RPS6KC1: variants seen among roughly 807,000 people sequenced by gnomAD.
RPS6KC1 encodes the protein inactive ribosomal protein S6 kinase delta-1.
A neutral mutation model predicts 103.8 loss-of-function variants in RPS6KC1; 54 were observed. That is an observed-to-expected ratio of 0.52 (90% confidence interval 0.42 to 0.65). The LOEUF (loss-of-function observed/expected upper bound fraction) is 0.65. Ranked by LOEUF, RPS6KC1 falls within the 30% of genes least tolerant of loss-of-function variation. The probability of loss-of-function intolerance (pLI) is 0.00; values close to 1 mark genes in which losing one functional copy is unlikely to be tolerated. For synonymous variants in RPS6KC1, 439 were observed against 438.7 expected, an observed-to-expected ratio of 1.00 and a Z score of -0.01; for missense variants, 1,151 against 1,253.8, an observed-to-expected ratio of 0.92 and a Z score of 1.24.
the RPS6KC1 span, among the ~76,000 whole-genome samples, chr1:213,362,058 G>A: frequency 1.3e-5 from 2 of 152,060 alleles, no homozygotes; most frequent in Admixed American, 6.5e-5. Context: ...CTTCACCTGC[G>A]GCTTGCTGTA....
chr1:213,266,425 C>T (rs1003522936), intron 14 of RPS6KC1, among the ~76,000 whole-genome samples: 1 of 152,060 alleles, frequency 6.6e-6, no homozygotes, highest in Non-Finnish European at 1.5e-5. Context: ...TGACTACTTT[C>T]TGTGGAAAAA....
chr1:213,137,752 GCT>G (rs149436919), intron 6 of RPS6KC1, among the ~76,000 whole-genome samples: 501 of 12,194 alleles, frequency 0.041, 39 homozygotes, highest in African/African-American at 0.088. Context: ...AGTCCAGTTT[GCT>G]CTCTCTCTCT....
chr1:213,630,202 C>T, the RPS6KC1 span, among the ~76,000 whole-genome samples: 2 of 152,312 alleles, frequency 1.3e-5, no homozygotes, highest in South Asian at 2.1e-4. Context: ...CCATTCTCCC[C>T]GTCACTTTCA....
chr1:213,646,404 C>T, the RPS6KC1 span, among the ~76,000 whole-genome samples: 1 of 152,122 alleles, frequency 6.6e-6, no homozygotes, highest in African/African-American at 2.4e-5. Flanking sequence ...GCCTGGAGGC[C>T]AGTGGCCAAT....
the RPS6KC1 span, among the ~76,000 whole-genome samples, chr1:213,348,873 C>A: frequency 4.6e-5 from 7 of 152,176 alleles, no homozygotes; most frequent in Non-Finnish European, 1.0e-4. Flanking sequence ...AAGTGCTTAG[C>A]ACAGTGTCTG....
chr1:213,316,289 T>C, the RPS6KC1 span, among the ~76,000 whole-genome samples: 1 of 152,174 alleles, frequency 6.6e-6, no homozygotes, highest in Non-Finnish European at 1.5e-5. Context: ...CTGAATGGAG[T>C]TGATGAAACC....
the RPS6KC1 span, among the ~76,000 whole-genome samples, chr1:213,606,667 G>A: frequency 6.6e-6 from 1 of 152,198 alleles, no homozygotes; most frequent in South Asian, 2.1e-4. Flanking sequence ...GCTGGAGCCT[G>A]AGCTACAGCT....
the RPS6KC1 span, among the ~76,000 whole-genome samples, chr1:213,551,166 C>T: frequency 6.6e-6 from 1 of 152,302 alleles, no homozygotes; most frequent in Admixed American, 6.5e-5. Context: ...AGCCCGACAT[C>T]CAGACTGCTT....
chr1:213,195,438 T>C (rs923716292), intron 8 of RPS6KC1, among the ~76,000 whole-genome samples: 2 of 152,022 alleles, frequency 1.3e-5, no homozygotes, highest in African/African-American at 4.8e-5. Context: ...TTTTAAAAAT[T>C]CGTAACGTGT....
the RPS6KC1 span, among the ~76,000 whole-genome samples, chr1:213,666,973 G>A: frequency 6.6e-6 from 1 of 152,206 alleles, no homozygotes; most frequent in South Asian, 2.1e-4. Context: ...GACCCAAGAC[G>A]TATGGAGGAG....
chr1:213,711,069 C>T, the RPS6KC1 span, among the ~76,000 whole-genome samples: 1 of 152,260 alleles, frequency 6.6e-6, no homozygotes, highest in African/African-American at 2.4e-5. Flanking sequence ...GCCTGTCTTG[C>T]TAGGTTGGGC....
the RPS6KC1 span, among the ~76,000 whole-genome samples, chr1:213,368,505 A>G: frequency 6.6e-6 from 1 of 152,196 alleles, no homozygotes; most frequent in South Asian, 2.1e-4. Context: ...AAAATGTGCT[A>G]TTGACTTAGG....
intron 1 of RPS6KC1, among the ~76,000 whole-genome samples, chr1:213,064,218 G>A (rs1392474587): frequency 3.9e-5 from 6 of 151,904 alleles, no homozygotes. Context: ...CACCACACCC[G>A]GCTCATTTTT....
the RPS6KC1 span, among the ~76,000 whole-genome samples, chr1:213,800,502 C>A: frequency 7.1e-6 from 1 of 140,534 alleles, no homozygotes; most frequent in Non-Finnish European, 1.5e-5. Context: ...TTGGACAAAT[C>A]TGGTCATGGT....
chr1:213,504,055 T>C, the RPS6KC1 span, among the ~76,000 whole-genome samples: 5 of 152,158 alleles, frequency 3.3e-5, no homozygotes, highest in Non-Finnish European at 7.4e-5. Context: ...AGTTATTAAA[T>C]AGAATGAATT....
At position 213,151,110 on chromosome 1, in the gene RPS6KC1, T is replaced by C. The variant is rs1296685466; in HGVS notation, c.836-16748T>C. Reference sequence around the variant, plus strand: ...TCACCTCCCGGATGGGGGGGCTGGCTGGGCGGGGGGCTGACCCCCCCACCT... The same window carrying C: ...TCACCTCCCGGATGGGGGGGCTGGCCGGGCGGGGGGCTGACCCCCCCACCT... On this transcript the variant is annotated intron_variant, in intron 6 of 14. Coordinates refer to ENST00000366960, the MANE Select transcript of RPS6KC1 (RefSeq NM_012424.6). Among the ~76,000 whole-genome samples the C allele has an allele frequency of 1.2e-3, 54 of 46,790 alleles. 1 individual carries two copies. The highest frequency in any genetic ancestry group is 3.6e-3 in the African/African-American group (37 of 10,322). 30.7% of individuals were successfully genotyped at this position (46,790 alleles called of 152,430 possible).
chr1:213,728,851 G>C, the RPS6KC1 span, among the ~76,000 whole-genome samples: 1 of 150,298 alleles, frequency 6.7e-6, no homozygotes, highest in African/African-American at 2.4e-5. Flanking sequence ...GCACAGAGAA[G>C]TTACAGGGCT....
the RPS6KC1 span, among the ~76,000 whole-genome samples, chr1:213,402,896 C>T: frequency 1.4e-5 from 2 of 142,042 alleles, no homozygotes; most frequent in South Asian, 2.2e-4. Flanking sequence ...GGGCAGATCA[C>T]AAGGTCAGGA....
At chr1:213,739,170 G>A in the RPS6KC1 span, among the ~76,000 whole-genome samples, 4 of 152,078 alleles carry the variant, frequency 2.6e-5, no homozygotes, top group Admixed American at 6.5e-5. Flanking sequence ...GTGTGAAGGC[G>A]ATGAGAATAA....
Sources: gnomAD v4.1 joint callset for allele counts (sites outside exome capture counted in the v4.1 genomes callset) on GRCh38, gnomAD v4.1.1 for gene constraint, MANE v1.5 for transcripts, NCBI Gene and HGNC (gene_info 2026-07-23, HGNC 2026-07-21) for gene names.